The following ANGPT2 variants were observed in gnomAD, a reference collection of about 807,000 sequenced individuals.
ANGPT2 encodes angiopoietin-2.
Under a neutral mutation model 62.9 loss-of-function variants are expected in ANGPT2, and 28 were observed. The ratio of observed to expected loss-of-function variants is 0.44; its 90% CI spans 0.33 to 0.61. The LOEUF is 0.61. ANGPT2 is among the 20% of genes least tolerant of loss of function. The pLI is 0.03. For missense variants in ANGPT2, 727 were observed against 594.9 expected (o/e 1.22, Z -2.31); for synonymous variants, 284 against 207.8 (o/e 1.37, Z -3.15).
At chr8:6,517,150 G>C (rs117342161) in intron 5 of ANGPT2, among the ~76,000 whole-genome samples, 1 of 152,170 alleles carries the variant, frequency 6.6e-6, no homozygotes, top group Non-Finnish European at 1.5e-5. Context: ...GATTATATCA[G>C]GATCAGCAAA....
intron 1 of ANGPT2, among the ~76,000 whole-genome samples, chr8:6,560,190 T>G (rs141927081): frequency 7.7e-4 from 118 of 152,326 alleles, no homozygotes; most frequent in African/African-American, 2.7e-3. Flanking sequence ...TTTTTAGTGC[T>G]GATCCAGGAG....
At chr8:6,513,364 GCT>G (rs1336412526) in intron 7 of ANGPT2, among the ~76,000 whole-genome samples, 1 of 132,068 alleles carries the variant, frequency 7.6e-6, no homozygotes, top group Non-Finnish European at 1.6e-5. Context: ...ACGGAGTCTT[GCT>G]CTGTCGCCCA....
intron 1 of ANGPT2, among the ~76,000 whole-genome samples, chr8:6,541,025 G>T: frequency 7.8e-6 from 1 of 127,758 alleles, no homozygotes; most frequent in African/African-American, 2.6e-5. Context: ...CTGTGCTTGC[G>T]AGAGTGCCGA....
At chr8:6,561,614 A>G (rs1024060733) in intron 1 of ANGPT2, among the ~76,000 whole-genome samples, 1 of 152,252 alleles carries the variant, frequency 6.6e-6, no homozygotes, top group Non-Finnish European at 1.5e-5. Context: ...GCTTTAGATA[A>G]TCACATTCCC....
intron 1 of ANGPT2, among the ~76,000 whole-genome samples, chr8:6,561,094 A>G (rs1825466926): frequency 1.3e-5 from 2 of 152,238 alleles, no homozygotes; most frequent in South Asian, 4.1e-4. Flanking sequence ...TTTAGGATAT[A>G]GTTTGCCTTC....
intron 3 of ANGPT2, among the ~76,000 whole-genome samples, chr8:6,526,367 G>A (rs1818339833): frequency 6.6e-6 from 1 of 150,420 alleles, no homozygotes; most frequent in Non-Finnish European, 1.5e-5. Context: ...CCAGGAGGTT[G>A]AGGATGCAGT....
intron 7 of ANGPT2, among the ~76,000 whole-genome samples, chr8:6,510,289 C>T (rs1217635386): frequency 6.6e-6 from 1 of 152,098 alleles, no homozygotes; most frequent in Admixed American, 6.5e-5. Flanking sequence ...ACGTTGGGTC[C>T]TCACGTCCTG....
At chr8:6,528,041 G>C (rs1818713586) in intron 2 of ANGPT2, among the ~76,000 whole-genome samples, 1 of 150,824 alleles carries the variant, frequency 6.6e-6, no homozygotes, top group Non-Finnish European at 1.5e-5. Flanking sequence ...GATTACAGGT[G>C]CGTACCACCA....
chr8:6,530,018 T>C (rs1383669675), intron 2 of ANGPT2, among the ~76,000 whole-genome samples: 1 of 152,122 alleles, frequency 6.6e-6, no homozygotes, highest in African/African-American at 2.4e-5. Context: ...TTTTTATTTT[T>C]TTAAATTTTT....
intron 1 of ANGPT2, among the ~76,000 whole-genome samples, chr8:6,536,467 A>G (rs1458636142): frequency 1.3e-5 from 2 of 152,154 alleles, no homozygotes; most frequent in African/African-American, 4.8e-5. Flanking sequence ...AGGCTTCACA[A>G]TGCCTTAAGA....
chr8:6,555,465 CTTTT>C (rs530250678), intron 1 of ANGPT2, among the ~76,000 whole-genome samples: 1 of 142,632 alleles, frequency 7.0e-6, no homozygotes, highest in Non-Finnish European at 1.5e-5. Flanking sequence ...GTGGTTTGCC[CTTTT>C]TTTTTTTTTG....
intron 3 of ANGPT2, among the ~76,000 whole-genome samples, chr8:6,524,702 C>T (rs1030627444): frequency 3.9e-5 from 6 of 152,288 alleles, no homozygotes; most frequent in African/African-American, 7.2e-5. Context: ...TGATGGTCTT[C>T]ACATCATCAA....
intron 8 of ANGPT2, among the ~76,000 whole-genome samples, chr8:6,505,295 A>ATTCTT (rs1491494016): frequency 1.4e-5 from 1 of 73,740 alleles, no homozygotes; most frequent in African/African-American, 7.5e-5. Context: ...TGTTATATAC[A>ATTCTT]TATATATGTA....
chr8:6,508,791 T>A, intron 8 of ANGPT2, 141 bp downstream of exon 8: 1 of 1,195,262 alleles, frequency 8.4e-7, no homozygotes, highest in Non-Finnish European at 1.2e-6. Context: ...AAAACACATT[T>A]ACCTATATCA....
At chr8:6,559,698 C>G (rs898228914) in intron 1 of ANGPT2, among the ~76,000 whole-genome samples, 5 of 152,102 alleles carry the variant, frequency 3.3e-5, no homozygotes, top group African/African-American at 1.2e-4. Flanking sequence ...CTGTGGTCTC[C>G]TAGCAAAATA....
chr8:6,509,940 C>T (rs886153821), intron 7 of ANGPT2, among the ~76,000 whole-genome samples: 3 of 152,148 alleles, frequency 2.0e-5, no homozygotes, highest in Non-Finnish European at 2.9e-5. Flanking sequence ...GAGGGAGCAT[C>T]GTGCCACATA....
intron 1 of ANGPT2, among the ~76,000 whole-genome samples, chr8:6,557,567 C>G (rs1415420609): frequency 6.6e-6 from 1 of 152,142 alleles, no homozygotes; most frequent in Non-Finnish European, 1.5e-5. Context: ...TGTTGGCTGT[C>G]TAGATGGGCC....
chr8:6,542,572 G>A (rs377320162), intron 1 of ANGPT2, among the ~76,000 whole-genome samples: 1 of 151,264 alleles, frequency 6.6e-6, no homozygotes, highest in African/African-American at 2.4e-5. Context: ...CACTCTCATC[G>A]CTGTACTGAT....
intron 1 of ANGPT2, among the ~76,000 whole-genome samples, chr8:6,534,679 C>G (rs1465448887): frequency 6.6e-6 from 1 of 152,044 alleles, no homozygotes; most frequent in African/African-American, 2.4e-5. Context: ...GTCACTGATA[C>G]CCGGCAGGCC....
Sources: allele counts gnomAD v4.1 joint callset (sites outside exome capture counted in the v4.1 genomes callset), GRCh38; gene constraint gnomAD v4.1.1; transcripts MANE v1.5; gene names NCBI Gene and HGNC (gene_info 2026-07-23, HGNC 2026-07-21).